The following SSH1 variants were observed in gnomAD, a reference collection of about 807,000 sequenced individuals.
SSH1 encodes slingshot protein phosphatase 1.
SSH1 carries 43 observed loss-of-function variants against 79.7 expected under a neutral mutation model. The ratio of observed to expected loss-of-function variants is 0.54; its 90% CI spans 0.42 to 0.70. The LOEUF (loss-of-function observed/expected upper bound fraction) is 0.70. Among genes scored for constraint, SSH1 ranks in the 30% least tolerant of loss-of-function variants. The pLI is 0.00. For synonymous variants in SSH1, 599 were observed against 538.3 expected, an observed-to-expected ratio of 1.11 and a Z score of -1.56; for missense variants, 1,206 against 1,358.8, an observed-to-expected ratio of 0.89 and a Z score of 1.77.
In SSH1 at chr12:108,782,065, C is replaced by T. The variant is rs976569648; in HGVS notation, c.*5923G>A. 4 of 145,662 alleles carry T rather than the reference C, an allele frequency of 2.7e-5. No homozygotes were observed. The highest frequency in any genetic ancestry group is 5.2e-5 in the African/African-American group (2 of 38,776). 9.0% of individuals were successfully genotyped at this position (145,662 alleles called of 1,614,324 possible). On this transcript the variant is annotated 3_prime_UTR_variant, in exon 15 of 15. Coordinates refer to ENST00000326495, the MANE Select transcript of SSH1 (RefSeq NM_018984.4). ...GGAGGATCACTTTAGCCTAGGAAGT[C>T]GAGGTTGCAGTGAGCTATGATGGCA... is the stretch of plus-strand genomic sequence containing the variant.
At chr12:108,842,836 A>AG (rs1335272197) in intron 2 of SSH1, among the ~76,000 whole-genome samples, 1 of 152,244 alleles carries the variant, frequency 6.6e-6, no homozygotes, top group Non-Finnish European at 1.5e-5. Context: ...AAATAAAAAC[A>AG]GGCCACTGAC....
intron 11 of SSH1, among the ~76,000 whole-genome samples, chr12:108,801,735 T>TAA (rs1565980475): frequency 1.4e-3 from 186 of 137,306 alleles, no homozygotes; most frequent in African/African-American, 4.7e-3. Flanking sequence ...CTGTGTTGTT[T>TAA]TAAAAAAAAA....
intron 14 of SSH1, 92 bp downstream of exon 14, chr12:108,792,194 C>G (rs755800981): frequency 5.7e-6 from 9 of 1,588,596 alleles, no homozygotes; most frequent in Admixed American, 1.8e-5. Flanking sequence ...GTGGCGGGTG[C>G]CTGTAGTCCC....
Position 108,818,311 on chromosome 12 carries a change from C to T in SSH1, c.217G>A (p.Asp73Asn), listed in dbSNP as rs761024070. 1 of 1,613,826 alleles carries T rather than the reference C, an allele frequency of 6.2e-7. No homozygotes were observed. The highest frequency in any genetic ancestry group is 8.5e-7 in the Non-Finnish European group (1 of 1,179,916). ...ATCACCTGAAGATGTTGAGGCAGAT[C>T]ACCTGTTGGACCAATAAAGAAAGCT... is the stretch of plus-strand genomic sequence containing the variant. ...SLQHPHKHAGDLPQHLQVMIN... is the reference protein window; with the variant it reads ...SLQHPHKHAGNLPQHLQVMIN... Residue 73 changes from aspartate (D) to asparagine (N), a missense_variant and splice_region_variant, in exon 4 of 15, where the codon GAT becomes AAT. This residue lies in a region of SSH1 where 115 missense variants were observed against 173.9 expected (regional missense o/e 0.66). Coordinates refer to ENST00000326495, the MANE Select transcript of SSH1 (RefSeq NM_018984.4).
chr12:108,827,169 T>A (rs1303501965), intron 2 of SSH1: 26 of 1,286,608 alleles, frequency 2.0e-5, no homozygotes, highest in Non-Finnish European at 2.6e-5. Context: ...TCAATGCTCC[T>A]CAAAAAACCC....
rs373134249 is a variant in SSH1, at chr12:108,798,914, TCTG to T, written c.1349+83_1349+85del. On this transcript the variant is annotated intron_variant, in intron 13 of 14. Transcript: ENST00000326495. ...GCTGCTGGGCCGAATGGGAGCATGC[TCTG>T]CTGCCGACAGAGGCCTGGCTGGCTT... 14,358 of 1,499,480 alleles carry T rather than the reference TCTG, an allele frequency of 9.6e-3. 106 individuals are homozygous for T. Among genetic ancestry groups the T allele is most frequent in the Non-Finnish European group, 0.012 (13,281 of 1,089,480 alleles). The allele number at this position is 1,499,480 out of a possible 1,614,324, so 92.9% of individuals were successfully genotyped here. A position where few individuals can be genotyped will look rare whatever the true frequency, so the allele number is the denominator to read the frequency against.
intron 2 of SSH1, among the ~76,000 whole-genome samples, chr12:108,850,420 A>G (rs1328604837): frequency 1.4e-4 from 1 of 7,234 alleles, no homozygotes; most frequent in East Asian, 3.2e-3. Flanking sequence ...ATGGGGGAGG[A>G]AAGCTGGGGA....
rs745787849 is a variant in SSH1, at chr12:108,789,164, G to A, written c.1974C>T (p.Ser658=). 1.9e-5 allele frequency: 31 copies of A among 1,611,798 alleles called. No homozygotes were observed. The South Asian group carries it at 2.4e-4, about 13-fold the overall frequency. ...GCTCCCTGGAGGCCTCAGGAGCCCC[G>A]CTGGCTGTAGGGTACATGCAGTCGG... The part of the protein sequence containing the change: ...SCADCMYPTA[S]GAPEASRERC... Residue 658 remains serine (S), a synonymous_variant, in exon 15 of 15, where the codon AGC becomes AGT. Transcript: ENST00000326495.
rs2036565302 is a variant in SSH1 at position 108,792,713 on chromosome 12, T to G, written c.1466A>C (p.Glu489Ala). 1 of 1,613,546 alleles carries G rather than the reference T, an allele frequency of 6.2e-7. No individual in the cohort carries two copies. Among genetic ancestry groups the G allele is most frequent in the African/African-American group, 1.3e-5 (1 of 75,044 alleles). Residue 489 changes from glutamate (E) to alanine (A), a missense_variant, in exon 14 of 15, where the codon GAA (glutamate) becomes GCA (alanine). Transcript: ENST00000326495. The stretch of plus-strand genomic sequence containing the variant: ...ATCATCCAAGAAGGGCAGCTGGCTT[T>G]CCGGGGTGCCATCTGGGGTCTCTGG... The part of the protein sequence containing the change: ...FLPETPDGTP[E>A]SQLPFLDDAA...
At chr12:108,802,418 G>A in intron 10 of SSH1, 50 bp from the exon 11 acceptor site, 2 of 1,576,642 alleles carry the variant, frequency 1.3e-6, no homozygotes, top group Non-Finnish European at 8.7e-7. Context: ...GTCAGCCTCA[G>A]AGCTGCTCAG....
chr12:108,789,043 G>A lies in SSH1; in HGVS notation c.2095C>T (p.Arg699Cys), dbSNP rs200748527. The change falls in exon 15 of 15, where the codon CGT (arginine) becomes TGT (cysteine). Residue 699 changes from arginine (R) to cysteine (C), a missense_variant. Around this residue, in one of 5 missense-constraint regions of SSH1, gnomAD observed 709 missense variants for 730.6 expected, o/e 0.97. Transcript: ENST00000326495. ...SPVAHLASRS[R>C]VPEKPASGPT... ...CCAGAGGCTGGCTTCTCCGGAACAC[G>A]GGACCTGCTGGCCAAGTGGGCCACA... 15 of 1,609,408 alleles carry A rather than the reference G, an allele frequency of 9.3e-6. No homozygotes were observed. The East Asian group carries it at 1.1e-4, about 12-fold the overall frequency.
chr12:108,841,729 A>T (rs71454750), intron 2 of SSH1, among the ~76,000 whole-genome samples: 2 of 152,108 alleles, frequency 1.3e-5, no homozygotes, highest in African/African-American at 2.4e-5. Flanking sequence ...GAATCACTGG[A>T]ACCCTGGAGG....
intron 12 of SSH1, 73 bp downstream of exon 12, chr12:108,800,707 G>C: frequency 6.3e-7 from 1 of 1,591,972 alleles, no homozygotes; most frequent in Non-Finnish European, 8.6e-7. Context: ...TGCATCTGCA[G>C]TCTCGTTCAT....
chr12:108,823,333 CT>C lies in SSH1; in HGVS notation c.138del (p.Gly47AlafsTer34). On this transcript the variant is annotated frameshift_variant, in exon 3 of 15. Coordinates refer to ENST00000326495, the MANE Select transcript of SSH1 (RefSeq NM_018984.4). LOFTEE classifies it high-confidence loss of function. The part of the protein sequence containing the change: ...LSLSESFFMV[K>X]GAALFLQQGS... Reference sequence around the variant, plus strand: ...CCCTGTTGTAAGAAGAGGGCTGCGCCTTTCACCATGAAAAAGCTCTCACTTA... The same window carrying C: ...CCCTGTTGTAAGAAGAGGGCTGCGCCTTCACCATGAAAAAGCTCTCACTTA... 1 of 1,578,706 alleles carries C rather than the reference CT, an allele frequency of 6.3e-7. No homozygotes were observed. The highest frequency in any genetic ancestry group is 8.6e-7 in the Non-Finnish European group (1 of 1,160,628).
Position 108,813,255 on chromosome 12 carries a change from G to C in SSH1, c.402-1927C>G, listed in dbSNP as rs529043672. Among the ~76,000 whole-genome samples the C allele has an allele frequency of 2.4e-4, 36 of 152,296 alleles. No homozygotes were observed. The East Asian group carries it at 7.0e-3, about 29-fold the overall frequency. ...GAAGAAAGCAGGCTCCAAGTTCCTA[G>C]GGCCTGTATGGCGGGAACAGAGAAG... On this transcript the variant is annotated intron_variant, in intron 5 of 14. Transcript: ENST00000326495.
chr12:108,850,384 TGGGGAGGGGAGATG>T (rs534927563), intron 2 of SSH1, among the ~76,000 whole-genome samples: 147 of 5,416 alleles, frequency 0.027, 8 homozygotes, highest in South Asian at 0.085. Context: ...GAGGGGAGCT[TGGGGAGGGGAGATG>T]GGGGAGGGGA....
At chr12:108,805,363 G>C (rs1450543800) in intron 9 of SSH1, among the ~76,000 whole-genome samples, 179 bp from the exon 10 acceptor site, 1 of 152,184 alleles carries the variant, frequency 6.6e-6, no homozygotes, top group Non-Finnish European at 1.5e-5. Context: ...AGGAATGCAG[G>C]TTATTCAGCT....
chr12:108,805,451 T>C (rs1287865948), intron 9 of SSH1, among the ~76,000 whole-genome samples: 2 of 152,234 alleles, frequency 1.3e-5, no homozygotes, highest in African/African-American at 4.8e-5. Flanking sequence ...TCTACCAAGT[T>C]TAAACTTACT....
At chr12:108,795,270 T>C (rs1036010651) in intron 13 of SSH1, among the ~76,000 whole-genome samples, 1 of 152,148 alleles carries the variant, frequency 6.6e-6, no homozygotes, top group Non-Finnish European at 1.5e-5. Flanking sequence ...AACTTTTTTT[T>C]TTTTGGAGGT....
Sources: gnomAD v4.1 joint callset for allele counts (sites outside exome capture counted in the v4.1 genomes callset) on GRCh38, gnomAD v4.1.1 for gene constraint, gnomAD v4.1.1 regional missense constraint, MANE v1.5 for transcripts, NCBI Gene and HGNC (gene_info 2026-07-23, HGNC 2026-07-21) for gene names.